CHD9: variants seen among roughly 807,000 people sequenced by gnomAD.
The protein encoded by CHD9 is chromodomain helicase DNA binding protein 9, also known as ATP-dependent chromatin remodeler CHD9.
CHD9 carries 77 observed loss-of-function variants against 316.1 expected under a neutral mutation model. That is an observed-to-expected ratio of 0.24 (90% CI 0.20 to 0.29). The LOEUF (loss-of-function observed/expected upper bound fraction) is 0.29. Among genes scored for constraint, CHD9 ranks in the 10% least tolerant of loss-of-function variants. The pLI is 1.00. For missense variants in CHD9, 2,763 were observed against 3,438.1 expected (o/e 0.80, Z 4.91); for synonymous variants, 1,129 against 1,158.3 (o/e 0.97, Z 0.51).
At chr16:53,272,305 G>C (rs1193939921) in intron 22 of CHD9, among the ~76,000 whole-genome samples, 1 of 151,352 alleles carries the variant, frequency 6.6e-6, no homozygotes, top group East Asian at 1.9e-4. Flanking sequence ...ACTATAACAA[G>C]TATGAACTTA....
In CHD9 at chr16:53,235,218, G is replaced by A. The variant is rs1183110214; in HGVS notation, c.2545G>A (p.Asp849Asn). ...TCCTTCTAATATTTGGAAGAAAATAGATCAATCCAGGGACTATAAAAATGG... is the reference window on the plus strand; with the variant it reads ...TCCTTCTAATATTTGGAAGAAAATAAATCAATCCAGGGACTATAAAAATGG... ...RPPSNIWKKI[D>N]QSRDYKNGNQ... Residue 849 changes from aspartate (D) to asparagine (N), a missense_variant, in exon 11 of 39, where the codon GAT (aspartate) becomes AAT (asparagine). Asp to Asn is a conservative substitution (Grantham distance 23, BLOSUM62 1). Around this residue, in one of 15 missense-constraint regions of CHD9, gnomAD observed 186 missense variants for 245.0 expected, o/e 0.76. Coordinates refer to ENST00000447540, the MANE Select transcript of CHD9 (RefSeq NM_001308319.2). 1.3e-6 allele frequency: 2 copies of A among 1,553,072 alleles called. No homozygotes were observed. The highest frequency in any genetic ancestry group is 4.8e-5 in the East Asian group (2 of 41,802).
intron 1 of CHD9, among the ~76,000 whole-genome samples, chr16:53,146,419 G>GTGTATATATATATATATATATATA (rs1555492145): frequency 2.1e-4 from 16 of 76,704 alleles, no homozygotes; most frequent in African/African-American, 5.9e-4. Context: ...GTGTGTGTAT[G>GTGTATATATATATATATATATATA]TATATATATA....
intron 1 of CHD9, among the ~76,000 whole-genome samples, chr16:53,099,820 G>T (rs2036691429): frequency 6.6e-6 from 1 of 152,240 alleles, no homozygotes; most frequent in Admixed American, 6.5e-5. Context: ...AGGCCAGCTG[G>T]CGTGGTGCCC....
At position 53,197,475 on chromosome 16, in the gene CHD9, A is replaced by G. The variant is rs139068945; in HGVS notation, c.1453-12007A>G. On this transcript the variant is annotated intron_variant, in intron 2 of 38. Transcript: ENST00000447540. Reference sequence around the variant, plus strand: ...TTCCCAGTGCACCTCAGGGTACTTTATATAACTAGGAAAGTATTTTATATC... The same window carrying G: ...TTCCCAGTGCACCTCAGGGTACTTTGTATAACTAGGAAAGTATTTTATATC... Among the ~76,000 whole-genome samples the G allele has an allele frequency of 3.1e-3, 469 of 152,266 alleles. 6 individuals carry two copies. Among genetic ancestry groups the G allele is most frequent in the African/African-American group, 0.011 (450 of 41,538 alleles).
rs890080354 is a variant in CHD9 at position 53,121,380 on chromosome 16, T to A, written c.-164-34546T>A. 4.6e-5 allele frequency: 21 copies of A among 455,952 alleles called. No homozygotes were observed. The East Asian group carries it at 6.2e-4, about 14-fold the overall frequency. The allele number at this position is 455,952 out of a possible 1,614,324, so 28.2% of individuals were successfully genotyped here. A position where few individuals can be genotyped will look rare whatever the true frequency, so the allele number is the denominator to read the frequency against. On this transcript the variant is annotated intron_variant, in intron 1 of 38. Transcript: ENST00000447540. ...GAAGGAATGAGATGCTCGGGGATAT[T>A]TTATCAAGGAAACCAGCAAACCGTC... is the stretch of plus-strand genomic sequence containing the variant.
chr16:53,321,675 G>A (rs1002707016), intron 38 of CHD9, 45 bp downstream of exon 38: 1 of 1,002,368 alleles, frequency 1.0e-6, no homozygotes. Context: ...TTTCAAATTA[G>A]GTGCCATTCA....
intron 1 of CHD9, among the ~76,000 whole-genome samples, chr16:53,132,131 T>A (rs551187650): frequency 2.0e-5 from 3 of 152,248 alleles, no homozygotes; most frequent in African/African-American, 7.2e-5. Flanking sequence ...CTTTTTTTTC[T>A]TTTTTAAGAA....
chr16:53,296,212 C>T (rs946685755), intron 29 of CHD9, among the ~76,000 whole-genome samples: 13 of 152,172 alleles, frequency 8.5e-5, no homozygotes, highest in Admixed American at 8.5e-4. Flanking sequence ...TTAACTCATA[C>T]AAATATAAGG....
intron 1 of CHD9, among the ~76,000 whole-genome samples, chr16:53,104,743 C>T (rs1248473955): frequency 2.7e-5 from 4 of 148,540 alleles, no homozygotes; most frequent in Non-Finnish European, 5.9e-5. Flanking sequence ...ACCCAGGAGG[C>T]GGAGGTTGCA....
At chr16:53,144,113 A>C (rs2152714655) in intron 1 of CHD9, among the ~76,000 whole-genome samples, 1 of 152,332 alleles carries the variant, frequency 6.6e-6, no homozygotes, top group East Asian at 1.9e-4. Flanking sequence ...TTACTGCTTC[A>C]TAGCTTTCTT....
chr16:53,098,247 G>A (rs1349698187), intron 1 of CHD9, among the ~76,000 whole-genome samples: 5 of 151,876 alleles, frequency 3.3e-5, no homozygotes, highest in African/African-American at 7.3e-5. Context: ...AGGCCGAGGC[G>A]GGTGGATCAC....
rs1187438755 is a variant in CHD9 at position 53,325,324 on chromosome 16, C to T, written c.*429C>T. ...AATAATTTGGGCAGCTAATGAATGT[C>T]ATGAAAGCTGTAGAATCTACATCAC... On this transcript the variant is annotated 3_prime_UTR_variant, in exon 39 of 39. Transcript: ENST00000447540. 1.3e-5 allele frequency: 2 copies of T among 155,986 alleles called. No homozygotes were observed. Among genetic ancestry groups the T allele is most frequent in the African/African-American group, 2.4e-5 (1 of 41,442 alleles). The allele number at this position is 155,986 out of a possible 1,614,324, so 9.7% of individuals were successfully genotyped here. A position where few individuals can be genotyped will look rare whatever the true frequency, so the allele number is the denominator to read the frequency against.
chr16:53,220,064 G>C (rs1043155041), intron 3 of CHD9, among the ~76,000 whole-genome samples: 15 of 152,244 alleles, frequency 9.9e-5, no homozygotes, highest in African/African-American at 3.6e-4. Context: ...TTTTATTTTA[G>C]GAAAGAAACT....
intron 22 of CHD9, among the ~76,000 whole-genome samples, chr16:53,272,512 A>C (rs1209168953): frequency 6.6e-6 from 1 of 152,168 alleles, no homozygotes; most frequent in Non-Finnish European, 1.5e-5. Context: ...CATTATTAAT[A>C]ATTGTGAAAA....
chr16:53,226,534 A>T (rs1161301031), intron 5 of CHD9, 22 bp downstream of exon 5: 4 of 1,583,554 alleles, frequency 2.5e-6, no homozygotes, highest in Non-Finnish European at 3.4e-6. Context: ...TGGGATTATG[A>T]CTGCAAAACA....
At chr16:53,226,540 A>G (rs199637615) in intron 5 of CHD9, 28 bp downstream of exon 5, 24 of 1,580,334 alleles carry the variant, frequency 1.5e-5, no homozygotes, top group Middle Eastern at 1.7e-4. Flanking sequence ...TATGACTGCA[A>G]AACATTTTAA....
rs749062238 is a variant in CHD9, at chr16:53,307,813, G to A, written c.6913G>A (p.Gly2305Arg). ...FYTTKLLDSP[G>R]AATEYSDPSV... ...TACCACAAAACTGCTGGACAGCCCT[G>A]GAGCAGCTACAGAATACAGCGATCC... The change falls in exon 33 of 39, where the codon GGA (glycine) becomes AGA (arginine). Residue 2305 changes from glycine to arginine, a missense_variant. Transcript: ENST00000447540. The A allele has an allele frequency of 6.2e-7, 1 of 1,613,664 alleles. No individual in the cohort carries two copies. The highest frequency in any genetic ancestry group is 8.5e-7 in the Non-Finnish European group (1 of 1,179,802).
rs1380120439 is a variant in CHD9 at position 53,327,203 on chromosome 16, G to T, written c.*2308G>T. 1.3e-5 allele frequency: 2 copies of T among 152,508 alleles called. No individual in the cohort carries two copies. Among genetic ancestry groups the T allele is most frequent in the African/African-American group, 4.8e-5 (2 of 41,448 alleles). 9.4% of individuals were successfully genotyped at this position (152,508 alleles called of 1,614,324 possible). The stretch of plus-strand genomic sequence containing the variant: ...ATCAGTAGAATTACATAATACTAAA[G>T]TTGCAGTTGAAAGAATATCCAAGTA... On this transcript the variant is annotated 3_prime_UTR_variant, in exon 39 of 39. Transcript: ENST00000447540.
Position 53,255,675 on chromosome 16 carries a change from G to C in CHD9, c.4105G>C (p.Asp1369His). The change falls in exon 19 of 39, where the codon GAT (aspartate) becomes CAT (histidine). Residue 1369 changes from aspartate to histidine, a missense_variant. Around this residue, in one of 15 missense-constraint regions of CHD9, gnomAD observed 199 missense variants for 251.7 expected, o/e 0.79. Transcript: ENST00000447540. ...TTATGGTGCTATTATGGAGGAAGAA[G>C]ATGAAGGCTCTAAATTCTGCGAAGA... is the stretch of plus-strand genomic sequence containing the variant. ...GAYGAIMEEE[D>H]EGSKFCEEDI... The C allele has an allele frequency of 6.2e-7, 1 of 1,613,888 alleles. No individual in the cohort carries two copies.
Sources: gnomAD v4.1 joint callset for allele counts (sites outside exome capture counted in the v4.1 genomes callset) on GRCh38, gnomAD v4.1.1 for gene constraint, gnomAD v4.1.1 regional missense constraint, MANE v1.5 for transcripts, NCBI Gene and HGNC (gene_info 2026-07-23, HGNC 2026-07-21) for gene names.